EPHA6: variants seen among roughly 807,000 people sequenced by gnomAD.
EPHA6 encodes the protein ephrin type-A receptor 6.
In EPHA6, 50 loss-of-function variants were observed where a neutral mutation model predicts 112.0. The observed-to-expected ratio is 0.45, with a 90% CI of 0.36 to 0.56. The LOEUF is 0.56. EPHA6 is among the 20% of genes least tolerant of loss of function. EPHA6 has a pLI of 0.00. For missense variants in EPHA6, 1,280 were observed against 1,417.4 expected (o/e 0.90, Z 1.56); for synonymous variants, 529 against 490.7 (o/e 1.08, Z -1.03).
In EPHA6 at chr3:97,448,573, T is replaced by G; in HGVS notation, c.1737T>G (p.His579Gln). 6.2e-7 allele frequency: 1 copy of G among 1,613,354 alleles called. No homozygotes were observed. The highest frequency in any genetic ancestry group is 8.5e-7 in the Non-Finnish European group (1 of 1,179,446). Residue 579 changes from histidine (H) to glutamine (Q), a missense_variant, in exon 7 of 18, where the codon CAT (histidine) becomes CAG (glutamine). Around this residue, in one of 4 missense-constraint regions of EPHA6, gnomAD observed 878 missense variants for 999.7 expected, o/e 0.88. Coordinates refer to ENST00000389672, the MANE Select transcript of EPHA6 (RefSeq NM_001080448.3). ...DYEIKYYEKEHEQLTYSSTRS... is the reference protein window; with the variant it reads ...DYEIKYYEKEQEQLTYSSTRS... Reference sequence around the variant, plus strand: ...CCTTTTTTTCTGTCCCCCAGGAACATGAGCAGCTGACCTACTCTTCCACAA... The same window carrying G: ...CCTTTTTTTCTGTCCCCCAGGAACAGGAGCAGCTGACCTACTCTTCCACAA...
chr3:97,415,609 C>T (rs921577158), intron 6 of EPHA6, among the ~76,000 whole-genome samples: 3 of 152,008 alleles, frequency 2.0e-5, no homozygotes, highest in African/African-American at 7.2e-5. Flanking sequence ...AAAAATACTA[C>T]CAGTTTTTTA....
chr3:97,251,390 C>T (rs1196987258), intron 5 of EPHA6, among the ~76,000 whole-genome samples: 1 of 151,718 alleles, frequency 6.6e-6, no homozygotes, highest in Non-Finnish European at 1.5e-5. Flanking sequence ...ATTAGCCGGG[C>T]GTGGTTGCAG....
intron 11 of EPHA6, among the ~76,000 whole-genome samples, chr3:97,548,224 G>C (rs560288412): frequency 7.2e-5 from 11 of 152,180 alleles, no homozygotes; most frequent in African/African-American, 2.2e-4. Context: ...GGTGTGTCTT[G>C]TTTTCTAATG....
intron 2 of EPHA6, among the ~76,000 whole-genome samples, chr3:96,982,768 T>TTG (rs1240493599): frequency 2.0e-5 from 3 of 152,230 alleles, no homozygotes; most frequent in Non-Finnish European, 4.4e-5. Context: ...TTTAAGACAG[T>TTG]TAGCTCTTCT....
Position 97,466,600 on chromosome 3 carries a change from G to C in EPHA6, c.1895-8752G>C, listed in dbSNP as rs575582857. 139 of 643,204 alleles carry C rather than the reference G, an allele frequency of 2.2e-4. No homozygotes were observed. In the African/African-American group the frequency reaches 2.4e-3, roughly 11 times the overall value. 39.8% of individuals were successfully genotyped at this position (643,204 alleles called of 1,614,324 possible). A position where few individuals can be genotyped will look rare whatever the true frequency, so the allele number is the denominator to read the frequency against. On this transcript the variant is annotated intron_variant, in intron 7 of 17. Coordinates refer to ENST00000389672, the MANE Select transcript of EPHA6 (RefSeq NM_001080448.3). ...TTCTTCTCTGATGGGTTTGTCTTCA[G>C]TATTCTCATGTATTTGCAAGAGTTT...
chr3:96,875,693 G>T (rs1193156257), intron 2 of EPHA6, among the ~76,000 whole-genome samples: 1 of 151,876 alleles, frequency 6.6e-6, no homozygotes, highest in Non-Finnish European at 1.5e-5. Flanking sequence ...GAATAGCCAT[G>T]ATGATGTCTT....
chr3:96,967,201 C>T (rs936612144), intron 2 of EPHA6, among the ~76,000 whole-genome samples: 12 of 150,836 alleles, frequency 8.0e-5, no homozygotes, highest in African/African-American at 2.9e-4. Context: ...CACACACACA[C>T]ACACACTTTA....
chr3:96,868,780 T>C (rs957118414), intron 2 of EPHA6, among the ~76,000 whole-genome samples: 8 of 152,020 alleles, frequency 5.3e-5, no homozygotes, highest in African/African-American at 1.7e-4. Flanking sequence ...CTATAAAGAA[T>C]TGACATTTTT....
chr3:96,994,709 G>GTGTATATA lies in EPHA6; in HGVS notation c.1114+6717_1114+6718insGTATATAT, dbSNP rs1363786371. Reference sequence around the variant, plus strand: ...TGTGTGTGTATGTGTGTGTGTGTGTGTATATATATATATATATATATATAG... The same window carrying GTGTATATA: ...TGTGTGTGTATGTGTGTGTGTGTGTGTGTATATATATATATATATATATATATATATAG... On this transcript the variant is annotated intron_variant, in intron 3 of 17. Transcript: ENST00000389672. Among the ~76,000 whole-genome samples, 156 of 98,394 alleles carry GTGTATATA rather than the reference G, an allele frequency of 1.6e-3. 2 individuals carry two copies. The highest frequency in any genetic ancestry group is 8.2e-3 in the African/African-American group (152 of 18,580). 64.6% of individuals were successfully genotyped at this position (98,394 alleles called of 152,430 possible).
Position 97,730,889 on chromosome 3 carries a change from C to T in EPHA6, c.2935-5036C>T, listed in dbSNP as rs140948166. ...TCAGTTCACCCAAGCTAAGAGACTACAAATGTTTTGTATTGGCTGGAGCCA... is the reference window on the plus strand; with the variant it reads ...TCAGTTCACCCAAGCTAAGAGACTATAAATGTTTTGTATTGGCTGGAGCCA... On this transcript the variant is annotated intron_variant, in intron 15 of 17. Coordinates refer to ENST00000389672, the MANE Select transcript of EPHA6 (RefSeq NM_001080448.3). 4.4e-4 allele frequency among the ~76,000 whole-genome samples: 67 copies of T among 152,196 alleles called. No individual in the cohort carries two copies. In the East Asian group the frequency reaches 0.013, roughly 30 times the overall value.
At chr3:97,489,463 A>G (rs922720749) in intron 10 of EPHA6, among the ~76,000 whole-genome samples, 4 of 152,190 alleles carry the variant, frequency 2.6e-5, no homozygotes, top group African/African-American at 9.7e-5. Context: ...AGGCGGGTGG[A>G]TCACGAGGTC....
chr3:97,596,777 CAT>C (rs57541953), intron 12 of EPHA6, among the ~76,000 whole-genome samples: 28,798 of 105,554 alleles, frequency 0.27, 3,603 homozygotes, highest in Non-Finnish European at 0.32. Flanking sequence ...AACTCATATA[CAT>C]ATATATATAT....
At chr3:97,678,319 G>A (rs2031575953) in intron 14 of EPHA6, among the ~76,000 whole-genome samples, 1 of 152,174 alleles carries the variant, frequency 6.6e-6, no homozygotes, top group Non-Finnish European at 1.5e-5. Flanking sequence ...TTGGTTAACA[G>A]TAAGTTGAAC....
chr3:97,669,406 A>G (rs1287944816), intron 14 of EPHA6, among the ~76,000 whole-genome samples: 1 of 151,828 alleles, frequency 6.6e-6, no homozygotes, highest in African/African-American at 2.4e-5. Context: ...CATGATCTAG[A>G]ATCATATTTT....
chr3:97,566,548 A>G (rs2093269837), intron 11 of EPHA6, among the ~76,000 whole-genome samples: 1 of 152,184 alleles, frequency 6.6e-6, no homozygotes, highest in African/African-American at 2.4e-5. Context: ...AGTCAACTTT[A>G]TGTATTTATT....
At chr3:97,631,341 C>T (rs561972439) in intron 13 of EPHA6, among the ~76,000 whole-genome samples, 1 of 151,940 alleles carries the variant, frequency 6.6e-6, no homozygotes, top group Admixed American at 6.6e-5. Context: ...AAAATGGGAA[C>T]GAGAGGCTTG....
intron 3 of EPHA6, among the ~76,000 whole-genome samples, chr3:97,019,665 A>G (rs1418571951): frequency 6.6e-6 from 1 of 151,634 alleles, no homozygotes; most frequent in Non-Finnish European, 1.5e-5. Context: ...TAGTTGTTTC[A>G]CCAGTAAGTA....
chr3:97,574,827 C>T (rs924806237), intron 11 of EPHA6, among the ~76,000 whole-genome samples: 42 of 151,832 alleles, frequency 2.8e-4, no homozygotes, highest in African/African-American at 8.7e-4. Context: ...CAAAATTAAA[C>T]GAAGTTTTGG....
At chr3:97,499,840 G>A (rs183269539) in intron 10 of EPHA6, among the ~76,000 whole-genome samples, 25 of 152,166 alleles carry the variant, frequency 1.6e-4, no homozygotes, top group Non-Finnish European at 2.8e-4. Context: ...TGAATGTGAA[G>A]GCCTAGTACA....
Sources: gnomAD v4.1 joint callset for allele counts (sites outside exome capture counted in the v4.1 genomes callset) on GRCh38, gnomAD v4.1.1 for gene constraint, gnomAD v4.1.1 regional missense constraint, MANE v1.5 for transcripts, NCBI Gene and HGNC (gene_info 2026-07-23, HGNC 2026-07-21) for gene names.